Variants in FBXO38 observed in about 807,000 individuals in gnomAD.
FBXO38 encodes the protein F-box protein 38.
In FBXO38, 53 loss-of-function variants were observed where a neutral mutation model predicts 131.9. The observed-to-expected ratio is 0.40, with a 90% CI of 0.32 to 0.51. FBXO38 has a LOEUF of 0.51. Ranked by LOEUF, FBXO38 falls within the 20% of genes least tolerant of loss-of-function variation. The pLI is 0.53. For synonymous variants in FBXO38, 452 were observed against 505.6 expected, an observed-to-expected ratio of 0.89 and a Z score of 1.42; for missense variants, 1,076 against 1,475.6, an observed-to-expected ratio of 0.73 and a Z score of 4.44.
chr5:148,397,620 G>C (rs532592935), intron 2 of FBXO38: 1 of 152,168 alleles, frequency 6.6e-6, no homozygotes, highest in African/African-American at 2.4e-5. Context: ...ATTTTAAAGG[G>C]GTAAGAAGAG....
intron 1 of FBXO38, among the ~76,000 whole-genome samples, chr5:148,392,658 GC>G (rs1430783304): frequency 1.3e-5 from 2 of 150,274 alleles, no homozygotes; most frequent in Non-Finnish European, 3.0e-5. Context: ...GAGTACAATT[GC>G]CCAGGGAGAA....
At chr5:148,401,443 G>A (rs181996873) in intron 3 of FBXO38, among the ~76,000 whole-genome samples, 59 of 152,270 alleles carry the variant, frequency 3.9e-4, no homozygotes, top group East Asian at 1.5e-3. Flanking sequence ...GGGAGTAATA[G>A]TTAAACATAT....
intron 7 of FBXO38, among the ~76,000 whole-genome samples, chr5:148,406,761 A>T (rs1043758267): frequency 6.6e-6 from 1 of 152,120 alleles, no homozygotes; most frequent in Non-Finnish European, 1.5e-5. Context: ...TCCAAAAAAA[A>T]TTTAGGCATT....
At chr5:148,422,318 C>T (rs1213882874) in intron 12 of FBXO38, among the ~76,000 whole-genome samples, 2 of 152,138 alleles carry the variant, frequency 1.3e-5, no homozygotes, top group African/African-American at 4.8e-5. Context: ...ACAGCTGGTG[C>T]CTAGCATTGC....
intron 12 of FBXO38, 82 bp from the exon 13 acceptor site, chr5:148,423,916 C>A: frequency 7.4e-7 from 1 of 1,351,870 alleles, no homozygotes; most frequent in Non-Finnish European, 1.0e-6. Flanking sequence ...CTGTTCAGTT[C>A]TTAGGGCGGC....
At chr5:148,428,405 C>A (rs1753847978) in intron 15 of FBXO38, among the ~76,000 whole-genome samples, 1 of 152,142 alleles carries the variant, frequency 6.6e-6, no homozygotes. Context: ...GTAATTTTTT[C>A]AGAAATCTAG....
chr5:148,442,256 G>A lies in FBXO38; in HGVS notation c.*109G>A. 2.1e-6 allele frequency: 2 copies of A among 946,642 alleles called. No homozygotes were observed. The highest frequency in any genetic ancestry group is 3.2e-6 in the Non-Finnish European group (2 of 616,338). 58.6% of individuals were successfully genotyped at this position (946,642 alleles called of 1,614,324 possible). ...CATGCAGTTGGGAGGTCCTGGCTCG[G>A]TTTGCTATATAGGGAATATATAAGG... On this transcript the variant is annotated 3_prime_UTR_variant, in exon 22 of 22. Transcript: ENST00000340253.
Position 148,442,359 on chromosome 5 carries a change from A to T in FBXO38, c.*212A>T. The T allele has an allele frequency of 2.8e-6, 1 of 360,600 alleles. No individual in the cohort carries two copies. The highest frequency in any genetic ancestry group is 1.2e-4 in the South Asian group (1 of 8,172). The allele number at this position is 360,600 out of a possible 1,614,324, so 22.3% of individuals were successfully genotyped here. A position where few individuals can be genotyped will look rare whatever the true frequency, so the allele number is the denominator to read the frequency against. On this transcript the variant is annotated 3_prime_UTR_variant, in exon 22 of 22. Transcript: ENST00000340253. ...TCCTAAAGTACCAACTTTATATCATATGTTTATACAATTTAATTTAAAAAT... is the reference window on the plus strand; with the variant it reads ...TCCTAAAGTACCAACTTTATATCATTTGTTTATACAATTTAATTTAAAAAT...
At chr5:148,389,688 C>A (rs1175124513) in intron 1 of FBXO38, 1 of 152,178 alleles carries the variant, frequency 6.6e-6, no homozygotes, top group African/African-American at 2.4e-5. Context: ...TCTTTGGTTC[C>A]TCTTCCAACT....
rs558842478 is a variant in FBXO38 at position 148,429,819 on chromosome 5, A to C, written c.2653+1872A>C. Among the ~76,000 whole-genome samples, 8 of 152,072 alleles carry C rather than the reference A, an allele frequency of 5.3e-5. No homozygotes were observed. The East Asian group carries it at 1.5e-3, about 29-fold the overall frequency. On this transcript the variant is annotated intron_variant, in intron 15 of 21. Transcript: ENST00000340253. ...TTGCCTTGTGTTCTGCTTATCCCTT[A>C]ACTATTTTATTCTTTTTTCATGTCT...
intron 13 of FBXO38, 136 bp from the exon 14 acceptor site, chr5:148,425,386 A>G (rs560099304): frequency 4.4e-4 from 265 of 596,902 alleles, no homozygotes; most frequent in Non-Finnish European, 7.2e-4. Flanking sequence ...GTGCATTATC[A>G]GTTAAAATGT....
chr5:148,405,279 C>A (rs953465212), intron 6 of FBXO38, among the ~76,000 whole-genome samples: 1 of 152,082 alleles, frequency 6.6e-6, no homozygotes, highest in Non-Finnish European at 1.5e-5. Flanking sequence ...CACATGATGC[C>A]CAATACAAAT....
chr5:148,393,620 A>G (rs1035569434), intron 1 of FBXO38, among the ~76,000 whole-genome samples: 2 of 152,020 alleles, frequency 1.3e-5, no homozygotes, highest in African/African-American at 4.8e-5. Flanking sequence ...TTCTGAGCTC[A>G]TTTGCGTGGT....
intron 15 of FBXO38, among the ~76,000 whole-genome samples, chr5:148,433,018 G>A (rs1050254255): frequency 1.3e-5 from 2 of 152,190 alleles, no homozygotes; most frequent in African/African-American, 4.8e-5. Context: ...TATGGAGAGT[G>A]GACAGAGCTG....
intron 1 of FBXO38, among the ~76,000 whole-genome samples, chr5:148,385,370 A>G (rs1245328916): frequency 6.6e-6 from 1 of 152,232 alleles, no homozygotes. Flanking sequence ...GGACAACTAG[A>G]TTCCAGTAAG....
intron 1 of FBXO38, among the ~76,000 whole-genome samples, chr5:148,388,043 G>C (rs2113477533): frequency 6.6e-6 from 1 of 152,220 alleles, no homozygotes; most frequent in South Asian, 2.1e-4. Flanking sequence ...TCTTGATCTA[G>C]TTGATCTATT....
At chr5:148,417,690 C>A (rs1244806015) in intron 12 of FBXO38, among the ~76,000 whole-genome samples, 1 of 152,114 alleles carries the variant, frequency 6.6e-6, no homozygotes, top group Admixed American at 6.6e-5. Context: ...CTAAGAAGGA[C>A]CTATTCTATT....
At chr5:148,395,491 GAAAGCT>G (rs1374182794) in intron 2 of FBXO38, among the ~76,000 whole-genome samples, 1 of 150,586 alleles carries the variant, frequency 6.6e-6, no homozygotes, top group Non-Finnish European at 1.5e-5. Flanking sequence ...TTTTTAAAGG[GAAAGCT>G]GTCATTCTAG....
At chr5:148,393,664 C>T (rs974225418) in intron 1 of FBXO38, among the ~76,000 whole-genome samples, 7 of 152,034 alleles carry the variant, frequency 4.6e-5, no homozygotes, top group African/African-American at 1.2e-4. Flanking sequence ...AACTCTGGGC[C>T]GTTTGTTTAC....
Sources: gnomAD v4.1 joint callset for allele counts (sites outside exome capture counted in the v4.1 genomes callset) on GRCh38, gnomAD v4.1.1 for gene constraint, MANE v1.5 for transcripts, NCBI Gene and HGNC (gene_info 2026-07-23, HGNC 2026-07-21) for gene names.